The following PPM1E variants were observed in gnomAD, a reference collection of about 807,000 sequenced individuals.
PPM1E encodes the protein protein phosphatase 1E.
In PPM1E, 20 loss-of-function variants were observed where a neutral mutation model predicts 65.9. The observed-to-expected ratio is 0.30, with a 90% CI of 0.21 to 0.44. The LOEUF (loss-of-function observed/expected upper bound fraction) is 0.44, where lower values mean the gene tolerates loss of function less well. PPM1E is among the 20% of genes least tolerant of loss of function. The pLI, the probability that PPM1E is intolerant of heterozygous loss-of-function variation, is 1.00. For missense variants in PPM1E, 713 were observed against 953.1 expected, an observed-to-expected ratio of 0.75 and a Z score of 3.32; for synonymous variants, 352 against 374.9, an observed-to-expected ratio of 0.94 and a Z score of 0.70.
At chr17:58,946,412 G>C (rs949227957) in intron 1 of PPM1E, among the ~76,000 whole-genome samples, 4 of 152,036 alleles carry the variant, frequency 2.6e-5, no homozygotes, top group African/African-American at 4.8e-5. Flanking sequence ...GAAATATAAG[G>C]ATTCGTTACA....
intron 1 of PPM1E, among the ~76,000 whole-genome samples, chr17:58,787,981 G>A (rs1348925715): frequency 6.6e-6 from 1 of 151,488 alleles, no homozygotes; most frequent in African/African-American, 2.4e-5. Context: ...ACATGAAAAT[G>A]CCAGTTCTGT....
chr17:58,868,710 A>C (rs1395972298), intron 1 of PPM1E, among the ~76,000 whole-genome samples: 1 of 151,644 alleles, frequency 6.6e-6, no homozygotes, highest in African/African-American at 2.4e-5. Context: ...TTCCCTGTTT[A>C]ACTTCTCTTT....
intron 1 of PPM1E, among the ~76,000 whole-genome samples, chr17:58,782,497 G>A (rs989153806): frequency 1.3e-5 from 2 of 151,338 alleles, no homozygotes; most frequent in African/African-American, 4.9e-5. Flanking sequence ...TGCCTCCCAG[G>A]TTCAAGTGAT....
intron 6 of PPM1E, among the ~76,000 whole-genome samples, chr17:58,976,609 T>A (rs948090927): frequency 4.6e-5 from 7 of 152,210 alleles, no homozygotes; most frequent in Non-Finnish European, 8.8e-5. Flanking sequence ...ATATGTTTCC[T>A]AACATATGGA....
chr17:58,765,636 G>A (rs1362543772), intron 1 of PPM1E, among the ~76,000 whole-genome samples: 1 of 152,012 alleles, frequency 6.6e-6, no homozygotes, highest in African/African-American at 2.4e-5. Flanking sequence ...ATACTCTGGT[G>A]TATAGCTCTG....
intron 1 of PPM1E, among the ~76,000 whole-genome samples, chr17:58,789,815 G>A (rs1194435698): frequency 6.6e-6 from 1 of 151,662 alleles, no homozygotes; most frequent in East Asian, 1.9e-4. Context: ...CAAGAACACT[G>A]TTGCCTGTGT....
chr17:58,884,618 TAGAG>T (rs1297139051), intron 1 of PPM1E, among the ~76,000 whole-genome samples: 1 of 152,238 alleles, frequency 6.6e-6, no homozygotes, highest in African/African-American at 2.4e-5. Context: ...ATTTCTTTGA[TAGAG>T]AGACTGCAGT....
intron 1 of PPM1E, among the ~76,000 whole-genome samples, chr17:58,769,386 C>A (rs1041707478): frequency 6.6e-6 from 1 of 151,954 alleles, no homozygotes; most frequent in Admixed American, 6.6e-5. Context: ...CTTGAGCTCC[C>A]AAGTTTGAGA....
At chr17:58,836,309 C>G (rs532582713) in intron 1 of PPM1E, among the ~76,000 whole-genome samples, 24 of 151,986 alleles carry the variant, frequency 1.6e-4, no homozygotes, top group African/African-American at 5.8e-4. Flanking sequence ...TGTATTTCAT[C>G]ATCTGCCTTC....
intron 1 of PPM1E, among the ~76,000 whole-genome samples, chr17:58,938,145 C>G (rs2052011352): frequency 6.6e-6 from 1 of 152,076 alleles, no homozygotes. Flanking sequence ...TTTTAAGCTG[C>G]CTTTGTCCCA....
At chr17:58,770,511 C>T (rs970513431) in intron 1 of PPM1E, among the ~76,000 whole-genome samples, 4 of 151,952 alleles carry the variant, frequency 2.6e-5, no homozygotes, top group South Asian at 2.1e-4. Flanking sequence ...CACTCCAGCC[C>T]GGGCAACATA....
At chr17:58,847,800 C>T (rs983975146) in intron 1 of PPM1E, among the ~76,000 whole-genome samples, 2 of 152,128 alleles carry the variant, frequency 1.3e-5, no homozygotes, top group Non-Finnish European at 2.9e-5. Flanking sequence ...TTTTCCAATA[C>T]TGTGAAGAAA....
intron 1 of PPM1E, among the ~76,000 whole-genome samples, chr17:58,811,944 C>G (rs1157120792): frequency 1.3e-5 from 2 of 152,148 alleles, no homozygotes; most frequent in Non-Finnish European, 2.9e-5. Context: ...GCTGGGATTA[C>G]AGGTGTGAGA....
intron 1 of PPM1E, among the ~76,000 whole-genome samples, chr17:58,792,952 C>T (rs2144256489): frequency 6.6e-6 from 1 of 151,740 alleles, no homozygotes; most frequent in Admixed American, 6.6e-5. Flanking sequence ...CAGGGTTTCA[C>T]CATGTTGGCC....
At chr17:58,793,378 T>C (rs1237233710) in intron 1 of PPM1E, among the ~76,000 whole-genome samples, 1 of 151,848 alleles carries the variant, frequency 6.6e-6, no homozygotes, top group African/African-American at 2.4e-5. Flanking sequence ...TTTTTTGAGA[T>C]GGAGTCTTGC....
chr17:58,778,701 T>C (rs1392215915), intron 1 of PPM1E, among the ~76,000 whole-genome samples: 1 of 151,728 alleles, frequency 6.6e-6, no homozygotes, highest in Non-Finnish European at 1.5e-5. Context: ...ATTCTCAGGC[T>C]GAGATTACAG....
At chr17:58,966,286 G>A (rs1348098249) in intron 3 of PPM1E, 11 of 363,056 alleles carry the variant, frequency 3.0e-5, no homozygotes, top group African/African-American at 2.2e-4. Context: ...AGGCTGATAC[G>A]GGAGGATTGC....
intron 1 of PPM1E, among the ~76,000 whole-genome samples, chr17:58,955,078 T>C (rs2029867338): frequency 6.6e-6 from 1 of 151,772 alleles, no homozygotes; most frequent in African/African-American, 2.4e-5. Flanking sequence ...ATAAAACTTA[T>C]CCTGGTCTTG....
intron 1 of PPM1E, among the ~76,000 whole-genome samples, chr17:58,844,054 T>C (rs1383052221): frequency 6.6e-6 from 1 of 152,168 alleles, no homozygotes; most frequent in Admixed American, 6.6e-5. Flanking sequence ...AGAGATACAT[T>C]ATTTTGGGAA....
Sources: allele counts gnomAD v4.1 joint callset (sites outside exome capture counted in the v4.1 genomes callset), GRCh38; gene constraint gnomAD v4.1.1; transcripts MANE v1.5; gene names NCBI Gene and HGNC (gene_info 2026-07-23, HGNC 2026-07-21).